The following RYK variants were observed in gnomAD, a reference collection of about 807,000 sequenced individuals.
RYK encodes the protein receptor like tyrosine kinase.
RYK carries 21 observed loss-of-function variants against 70.2 expected under a neutral mutation model. The ratio of observed to expected loss-of-function variants is 0.30; its 90% confidence interval spans 0.21 to 0.43. The LOEUF (loss-of-function observed/expected upper bound fraction) is 0.43. Among genes scored for constraint, RYK ranks in the 20% least tolerant of loss-of-function variants. RYK has a pLI of 1.00. For synonymous variants in RYK, 267 were observed against 278.0 expected, an observed-to-expected ratio of 0.96 and a Z score of 0.39; for missense variants, 604 against 753.3, an observed-to-expected ratio of 0.80 and a Z score of 2.32.
chr3:134,159,812 T>C (rs2012391796), intron 13 of RYK, among the ~76,000 whole-genome samples: 1 of 152,356 alleles, frequency 6.6e-6, no homozygotes, highest in African/African-American at 2.4e-5. Flanking sequence ...ATTTTTACTG[T>C]ATTTAAAGTT....
chr3:134,239,115 C>T (rs2015257493), intron 1 of RYK, among the ~76,000 whole-genome samples: 1 of 152,018 alleles, frequency 6.6e-6, no homozygotes, highest in African/African-American at 2.4e-5. Flanking sequence ...AGGCGCCTTA[C>T]CCAGAGACAG....
intron 5 of RYK, among the ~76,000 whole-genome samples, chr3:134,203,185 TA>T (rs1376029277): frequency 2.0e-5 from 3 of 152,060 alleles, no homozygotes; most frequent in Non-Finnish European, 4.4e-5. Flanking sequence ...CCGCCTCTAC[TA>T]AAAGTACGAA....
At chr3:134,189,740 CAAAAAAAAA>C (rs57016937) in intron 8 of RYK, among the ~76,000 whole-genome samples, 1 of 92,668 alleles carries the variant, frequency 1.1e-5, no homozygotes, top group Non-Finnish European at 2.1e-5. Flanking sequence ...GAGACTCCGC[CAAAAAAAAA>C]AAAAAAAAAA....
Position 134,220,414 on chromosome 3 carries a change from G to A in RYK, c.354+2004C>T, listed in dbSNP as rs140000577. 2.3e-3 allele frequency among the ~76,000 whole-genome samples: 345 copies of A among 152,168 alleles called. 1 individual carries two copies. The highest frequency in any genetic ancestry group is 7.4e-3 in the African/African-American group (306 of 41,494). ...TTTTTCTTAGAAAATACTCACTGAC[G>A]TATGGGGAGGGGGAGGGAGAGGGAG... On this transcript the variant is annotated intron_variant, in intron 2 of 14. Transcript: ENST00000623711.
chr3:134,246,301 AATACACACAC>A (rs1434828005), intron 1 of RYK, among the ~76,000 whole-genome samples: 40 of 103,706 alleles, frequency 3.9e-4, no homozygotes, highest in Middle Eastern at 0.011. Context: ...CTCAGAAAGA[AATACACACAC>A]ACACACACAC....
At chr3:134,236,697 A>T (rs2015207347) in intron 1 of RYK, among the ~76,000 whole-genome samples, 1 of 152,326 alleles carries the variant, frequency 6.6e-6, no homozygotes, top group South Asian at 2.1e-4. Context: ...TTTAATCAAA[A>T]CAGTGTAGTA....
At chr3:134,230,169 C>T (rs2015017554) in intron 1 of RYK, among the ~76,000 whole-genome samples, 1 of 152,192 alleles carries the variant, frequency 6.6e-6, no homozygotes, top group Admixed American at 6.5e-5. Context: ...TCACTGCAAC[C>T]TCTGCCTCCC....
At chr3:134,239,701 A>G (rs2015275416) in intron 1 of RYK, among the ~76,000 whole-genome samples, 1 of 152,222 alleles carries the variant, frequency 6.6e-6, no homozygotes, top group South Asian at 2.1e-4. Context: ...CATGTCAGAT[A>G]CTGTTTTAGG....
At chr3:134,200,184 C>G (rs1449331513) in intron 6 of RYK, among the ~76,000 whole-genome samples, 1 of 152,090 alleles carries the variant, frequency 6.6e-6, no homozygotes, top group Admixed American at 6.5e-5. Context: ...TGTTCTTTCG[C>G]TCTTCACAAT....
chr3:134,194,680 TAA>T (rs2107670220), intron 7 of RYK, among the ~76,000 whole-genome samples: 1 of 152,318 alleles, frequency 6.6e-6, no homozygotes, highest in South Asian at 2.1e-4. Flanking sequence ...AAAAACAATG[TAA>T]AGTCTTCACC....
chr3:134,168,139 G>A (rs2012752705), intron 13 of RYK, among the ~76,000 whole-genome samples: 1 of 152,240 alleles, frequency 6.6e-6, no homozygotes, highest in Admixed American at 6.5e-5. Context: ...TGGAGAGGAT[G>A]TGGAGAAATA....
At chr3:134,219,059 A>G (rs1007557313) in intron 2 of RYK, among the ~76,000 whole-genome samples, 3 of 152,172 alleles carry the variant, frequency 2.0e-5, no homozygotes, top group Non-Finnish European at 2.9e-5. Flanking sequence ...TGCACTAATA[A>G]TATTTATACC....
chr3:134,190,240 A>C (rs1179810254), intron 8 of RYK, among the ~76,000 whole-genome samples: 5 of 152,292 alleles, frequency 3.3e-5, no homozygotes, highest in South Asian at 4.1e-4. Context: ...TTCCTCACAA[A>C]GGTTTTCCCT....
chr3:134,249,697 A>C (rs1214705024), intron 1 of RYK, among the ~76,000 whole-genome samples: 1 of 152,142 alleles, frequency 6.6e-6, no homozygotes, highest in African/African-American at 2.4e-5. Flanking sequence ...AAGATACTCA[A>C]AAGTAGGAGA....
chr3:134,232,476 T>A (rs2015090670), intron 1 of RYK, among the ~76,000 whole-genome samples: 1 of 152,234 alleles, frequency 6.6e-6, no homozygotes, highest in Non-Finnish European at 1.5e-5. Flanking sequence ...GCTGACAATT[T>A]AAAGCCCTGT....
chr3:134,175,896 C>A (rs371857359), intron 12 of RYK, 34 bp downstream of exon 12: 6 of 1,556,580 alleles, frequency 3.9e-6, no homozygotes, highest in Non-Finnish European at 5.3e-6. Flanking sequence ...AAGCACTCTA[C>A]ATCAAGTGAC....
Position 134,175,777 on chromosome 3 carries a change from T to TA in RYK, c.1416-10dup, listed in dbSNP as rs751237531. On this transcript the variant is annotated splice_polypyrimidine_tract_variant and intron_variant, in intron 12 of 14. Coordinates refer to ENST00000623711, the MANE Select transcript of RYK (RefSeq NM_002958.4). Reference sequence around the variant, plus strand: ...GAAGTGTGTCATCAATGCTGAAAAGTAAAGATATGAACATCAAATGCAATC... The same window carrying TA: ...GAAGTGTGTCATCAATGCTGAAAAGTAAAAGATATGAACATCAAATGCAATC... 1 of 1,613,528 alleles carries TA rather than the reference T, an allele frequency of 6.2e-7. No homozygotes were observed. Among genetic ancestry groups the TA allele is most frequent in the East Asian group, 2.2e-5 (1 of 44,882 alleles).
chr3:134,159,501 A>G, intron 13 of RYK, 128 bp from the exon 14 acceptor site: 2 of 844,612 alleles, frequency 2.4e-6, no homozygotes, highest in Admixed American at 3.3e-5. Context: ...AATGTTATTT[A>G]CAAAAAAATG....
chr3:134,248,748 A>C (rs1390885790), intron 1 of RYK, among the ~76,000 whole-genome samples: 1 of 152,130 alleles, frequency 6.6e-6, no homozygotes, highest in East Asian at 1.9e-4. Context: ...CAGTGAGCCG[A>C]GATCACGCCA....
Sources: gnomAD v4.1 joint callset for allele counts (sites outside exome capture counted in the v4.1 genomes callset) on GRCh38, gnomAD v4.1.1 for gene constraint, MANE v1.5 for transcripts, NCBI Gene and HGNC (gene_info 2026-07-23, HGNC 2026-07-21) for gene names.